FLYWCH2: variants seen among roughly 807,000 people sequenced by gnomAD.
FLYWCH2 encodes the protein FLYWCH family member 2.
FLYWCH2 carries 2 observed loss-of-function variants against 6.0 expected under a neutral mutation model. The observed-to-expected ratio is 0.33, with a 90% CI of 0.14 to 1.04. FLYWCH2 has a LOEUF of 1.04. FLYWCH2 is among the 50% of genes least tolerant of loss of function. The pLI is 0.45. For missense variants in FLYWCH2, 192 were observed against 183.4 expected (o/e 1.05, Z -0.27); for synonymous variants, 87 against 79.3 (o/e 1.10, Z -0.52).
At chr16:2,890,907 A>G (rs189147730) in intron 1 of FLYWCH2, among the ~76,000 whole-genome samples, 1 of 152,292 alleles carries the variant, frequency 6.6e-6, no homozygotes, top group East Asian at 1.9e-4. Context: ...CCAGCCAACA[A>G]TCAAGGGAGG....
intron 1 of FLYWCH2, among the ~76,000 whole-genome samples, chr16:2,884,335 G>A (rs75429264): frequency 0.03 from 4,567 of 152,062 alleles, 216 homozygotes; most frequent in African/African-American, 0.1. Flanking sequence ...CCACCATGAG[G>A]CACCAGGCAG....
Position 2,891,709 on chromosome 16 carries a change from CTTTTA to C in FLYWCH2, c.-199-3502_-199-3498del, listed in dbSNP as rs1366258700. Among the ~76,000 whole-genome samples the C allele has an allele frequency of 3.3e-5, 5 of 151,278 alleles. No individual in the cohort carries two copies. In the East Asian group the frequency reaches 7.9e-4, roughly 24 times the overall value. ...GTGAGCCACCGCGCCTGGCCTCTCTCTTTTATTTTATTTAATTTGTTTATTTTTTA... is the reference window on the plus strand; with the variant it reads ...GTGAGCCACCGCGCCTGGCCTCTCTCTTTTATTTAATTTGTTTATTTTTTA... On this transcript the variant is annotated intron_variant, in intron 1 of 3. Coordinates refer to ENST00000396958, the MANE Select transcript of FLYWCH2 (RefSeq NM_138439.3).
In FLYWCH2 at chr16:2,896,774, G is replaced by A. The variant is rs753266604; in HGVS notation, c.322+3G>A. 1 of 1,608,070 alleles carries A rather than the reference G, an allele frequency of 6.2e-7. No individual in the cohort carries two copies. The highest frequency in any genetic ancestry group is 1.1e-5 in the South Asian group (1 of 91,002). ...GAAACGGAGCAGGCAGGACCCAGGT[G>A]AGGCTCCACAGCGGCCCCCCAGGAC... On this transcript the variant is annotated splice_donor_region_variant and intron_variant, in intron 3 of 3. Transcript: ENST00000396958.
intron 3 of FLYWCH2, 157 bp from the exon 4 acceptor site, chr16:2,898,892 G>A (rs996943907): frequency 2.1e-5 from 11 of 525,526 alleles, no homozygotes; most frequent in African/African-American, 1.8e-4. Context: ...TGGGAGCAGC[G>A]TCCCTGAGTG....
intron 1 of FLYWCH2, among the ~76,000 whole-genome samples, chr16:2,890,489 AC>A (rs1372126298): frequency 1.3e-5 from 2 of 150,352 alleles, no homozygotes; most frequent in Non-Finnish European, 2.9e-5. Context: ...ATCTTGGCTC[AC>A]CGCAATCTCC....
Position 2,896,361 on chromosome 16 carries a change from G to A in FLYWCH2, c.-89G>A, listed in dbSNP as rs1002832837. On this transcript the variant is annotated 5_prime_UTR_variant, in exon 3 of 4. Coordinates refer to ENST00000396958, the MANE Select transcript of FLYWCH2 (RefSeq NM_138439.3). Reference sequence around the variant, plus strand: ...TTGCTTCCTTCCTTAGGACGGAACCGCTGGACTCCAGGTTCCTTGCCTGGG... The same window carrying A: ...TTGCTTCCTTCCTTAGGACGGAACCACTGGACTCCAGGTTCCTTGCCTGGG... 34 of 1,460,700 alleles carry A rather than the reference G, an allele frequency of 2.3e-5. No individual in the cohort carries two copies. The African/African-American group carries it at 4.0e-4, about 17-fold the overall frequency. 90.5% of individuals were successfully genotyped at this position (1,460,700 alleles called of 1,614,324 possible).
intron 1 of FLYWCH2, among the ~76,000 whole-genome samples, chr16:2,892,031 A>C (rs752800851): frequency 6.6e-6 from 1 of 150,766 alleles, no homozygotes; most frequent in East Asian, 2.0e-4. Flanking sequence ...GTCTCAACTG[A>C]AAATACAAAG....
At chr16:2,892,889 AATG>A (rs2069773696) in intron 1 of FLYWCH2, among the ~76,000 whole-genome samples, 1 of 59,224 alleles carries the variant, frequency 1.7e-5, no homozygotes, top group Non-Finnish European at 4.3e-5. Context: ...TATAATATAT[AATG>A]TATATATGTC....
intron 1 of FLYWCH2, among the ~76,000 whole-genome samples, chr16:2,885,339 A>AG (rs2069687101): frequency 2.3e-5 from 1 of 43,316 alleles, no homozygotes; most frequent in Non-Finnish European, 5.9e-5. Context: ...CAAAACAAAA[A>AG]AAAAAATATA....
At chr16:2,884,579 A>AAAAAAAAAAAAAAAAC (rs1285185165) in intron 1 of FLYWCH2, among the ~76,000 whole-genome samples, 1 of 137,752 alleles carries the variant, frequency 7.3e-6, no homozygotes, top group Non-Finnish European at 1.6e-5. Context: ...AAAAAAAAAT[A>AAAAAAAAAAAAAAAAC]CAAAAATTAG....
In FLYWCH2 at chr16:2,889,715, G is replaced by T. The variant is rs963619717; in HGVS notation, c.-199-5505G>T. ...GCTTTATAGAAAAGTCCGAGAGGCA[G>T]TACAGAGTCCCTATAGATCTTCCCC... On this transcript the variant is annotated intron_variant, in intron 1 of 3. Transcript: ENST00000396958. 4.1e-4 allele frequency among the ~76,000 whole-genome samples: 62 copies of T among 152,240 alleles called. 1 individual carries two copies. Among genetic ancestry groups the T allele is most frequent in the African/African-American group, 1.5e-3 (62 of 41,546 alleles).
intron 3 of FLYWCH2, among the ~76,000 whole-genome samples, chr16:2,897,389 TG>T (rs2069835796): frequency 6.6e-6 from 1 of 152,022 alleles, no homozygotes; most frequent in Admixed American, 6.6e-5. Flanking sequence ...ACAGGTCCCA[TG>T]GGAGAGTGGG....
chr16:2,894,999 A>AAGGCACT (rs2150849601), intron 1 of FLYWCH2, among the ~76,000 whole-genome samples: 1 of 152,228 alleles, frequency 6.6e-6, no homozygotes, highest in East Asian at 1.9e-4. Context: ...GGTCCTGGAC[A>AAGGCACT]GGGGGCTAGG....
At position 2,896,242 on chromosome 16, in the gene FLYWCH2, G is replaced by C. The variant is rs2069817855; in HGVS notation, c.-98-110G>C. ...TTCCATCAGGCCCCCTGTCAGTCTT[G>C]GCCCCAGCGAGCAGTGAGGCAGCCC... On this transcript the variant is annotated intron_variant, in intron 2 of 3. Transcript: ENST00000396958. 3.0e-5 allele frequency: 18 copies of C among 607,432 alleles called. No individual in the cohort carries two copies. In the East Asian group the frequency reaches 5.2e-4, roughly 17 times the overall value. 37.6% of individuals were successfully genotyped at this position (607,432 alleles called of 1,614,324 possible).
At chr16:2,888,096 C>T (rs1051147820) in intron 1 of FLYWCH2, among the ~76,000 whole-genome samples, 16 of 152,130 alleles carry the variant, frequency 1.1e-4, no homozygotes, top group Non-Finnish European at 7.4e-5. Flanking sequence ...GCAACCTCCG[C>T]CTCCCGGGTT....
intron 3 of FLYWCH2, 165 bp downstream of exon 3, chr16:2,896,936 G>T (rs1449104714): frequency 2.9e-6 from 2 of 697,554 alleles, no homozygotes; most frequent in Non-Finnish European, 4.7e-6. Context: ...ACAGGCCTGG[G>T]CATCCGCCGA....
In FLYWCH2 at chr16:2,896,673, C is replaced by T; in HGVS notation, c.224C>T (p.Thr75Ile). 1.2e-6 allele frequency: 2 copies of T among 1,613,216 alleles called. No homozygotes were observed. The highest frequency in any genetic ancestry group is 1.7e-6 in the Non-Finnish European group (2 of 1,179,866). Residue 75 changes from threonine to isoleucine, a missense_variant, in exon 3 of 4, where the codon ACC (threonine) becomes ATC (isoleucine). Physicochemically the swap from Thr to Ile is moderately conservative, Grantham distance 89. Coordinates refer to ENST00000396958, the MANE Select transcript of FLYWCH2 (RefSeq NM_138439.3). ...VMSLGVPGPA[T>I]LAKALLQTHP... ...TCCCTGGGGGTGCCCGGCCCCGCCACCCTTGCCAAGGCCCTCCTCCAGACC... is the reference window on the plus strand; with the variant it reads ...TCCCTGGGGGTGCCCGGCCCCGCCATCCTTGCCAAGGCCCTCCTCCAGACC...
At chr16:2,893,662 G>T (rs1159482029) in intron 1 of FLYWCH2, among the ~76,000 whole-genome samples, 1 of 135,504 alleles carries the variant, frequency 7.4e-6, no homozygotes, top group Non-Finnish European at 1.5e-5. Context: ...TTTTGAAACG[G>T]ATTCTCGCTC....
rs575404634 is a variant in FLYWCH2, at chr16:2,889,729, T to C, written c.-199-5491T>C. On this transcript the variant is annotated intron_variant, in intron 1 of 3. Transcript: ENST00000396958. ...TCCGAGAGGCAGTACAGAGTCCCTA[T>C]AGATCTTCCCCACCCCCAGCTTCCC... Among the ~76,000 whole-genome samples the C allele has an allele frequency of 1.2e-4, 18 of 152,272 alleles. No homozygotes were observed. The East Asian group carries it at 3.3e-3, about 28-fold the overall frequency.
Sources: gnomAD v4.1 joint callset for allele counts (sites outside exome capture counted in the v4.1 genomes callset) on GRCh38, gnomAD v4.1.1 for gene constraint, MANE v1.5 for transcripts, NCBI Gene and HGNC (gene_info 2026-07-23, HGNC 2026-07-21) for gene names.